TBC1D8: variants seen among roughly 807,000 people sequenced by gnomAD.
TBC1D8 encodes the protein BUB2-like protein 1.
A neutral mutation model predicts 118.8 loss-of-function variants in TBC1D8; 65 were observed. The ratio of observed to expected loss-of-function variants is 0.55; its 90% CI spans 0.45 to 0.67. TBC1D8 has a LOEUF of 0.67. TBC1D8 is among the 30% of genes least tolerant of loss of function. The pLI is 0.00. For missense variants in TBC1D8, 1,376 were observed against 1,471.2 expected, an observed-to-expected ratio of 0.94 and a Z score of 1.06; for synonymous variants, 566 against 595.8, an observed-to-expected ratio of 0.95 and a Z score of 0.73.
At position 101,059,545 on chromosome 2, in the gene TBC1D8, TTC is replaced by T; in HGVS notation, c.284-8_284-7del. ...GATTTCCTCTAATGTTGCACCTGGA[TTC>T]AAACAGAAAAAGATACAGAGATTAA... On this transcript the variant is annotated splice_polypyrimidine_tract_variant and splice_region_variant and intron_variant, in intron 2 of 19. Transcript: ENST00000409318. 6.3e-7 allele frequency: 1 copy of T among 1,599,464 alleles called. No individual in the cohort carries two copies. The highest frequency in any genetic ancestry group is 1.1e-5 in the South Asian group (1 of 89,878).
intron 2 of TBC1D8, among the ~76,000 whole-genome samples, chr2:101,061,201 A>AG (rs1351717517): frequency 6.6e-6 from 1 of 151,114 alleles, no homozygotes; most frequent in East Asian, 1.9e-4. Flanking sequence ...AAAAAAAAAA[A>AG]AAAAAAAAAG....
intron 15 of TBC1D8, among the ~76,000 whole-genome samples, chr2:101,023,023 T>C (rs1189487496): frequency 6.6e-6 from 1 of 151,856 alleles, no homozygotes. Context: ...TGTGCACCTG[T>C]GATCCCAGCT....
chr2:101,136,082 G>A (rs1678843505), intron 1 of TBC1D8, among the ~76,000 whole-genome samples: 1 of 152,022 alleles, frequency 6.6e-6, no homozygotes, highest in South Asian at 2.1e-4. Context: ...CTGGTCTCCT[G>A]GACTCAAGTG....
intron 17 of TBC1D8, among the ~76,000 whole-genome samples, chr2:101,020,764 A>G (rs572278743): frequency 6.6e-6 from 1 of 152,282 alleles, no homozygotes; most frequent in East Asian, 1.9e-4. Context: ...TGCTGCTCTG[A>G]GTAATATTTT....
intron 2 of TBC1D8, among the ~76,000 whole-genome samples, chr2:101,060,423 T>C (rs912194174): frequency 6.6e-6 from 1 of 152,220 alleles, no homozygotes; most frequent in African/African-American, 2.4e-5. Context: ...ATATCATTTA[T>C]AGCAATGACC....
At chr2:101,036,421 A>T (rs1242023387) in intron 8 of TBC1D8, among the ~76,000 whole-genome samples, 7 of 152,124 alleles carry the variant, frequency 4.6e-5, no homozygotes, top group Non-Finnish European at 1.0e-4. Context: ...ATACAAATAA[A>T]ATACGATTTC....
intron 17 of TBC1D8, chr2:101,019,334 T>A: frequency 3.7e-6 from 1 of 267,606 alleles, no homozygotes; most frequent in Non-Finnish European, 7.0e-6. Flanking sequence ...AAAACTTTCA[T>A]TTCGTAACTA....
Position 101,014,789 on chromosome 2 carries a change from G to A in TBC1D8, c.2828-3249C>T, listed in dbSNP as rs1679490810. On this transcript the variant is annotated intron_variant, in intron 17 of 19. Transcript: ENST00000409318. ...GTTTCTTAGCATAGCCGTAAGAAAA[G>A]CCTGACCAAAAAGTGAAGAATCAAG... Among the ~76,000 whole-genome samples the A allele has an allele frequency of 2.6e-5, 4 of 152,176 alleles. No homozygotes were observed. The South Asian group carries it at 8.3e-4, about 32-fold the overall frequency.
intron 1 of TBC1D8, among the ~76,000 whole-genome samples, chr2:101,140,703 T>TA (rs1558730516): frequency 2.0e-5 from 3 of 152,000 alleles, no homozygotes; most frequent in Non-Finnish European, 4.4e-5. Flanking sequence ...TTCCAACTCT[T>TA]AATGGATTAT....
At chr2:101,047,000 C>G (rs906506613) in intron 5 of TBC1D8, among the ~76,000 whole-genome samples, 1 of 152,146 alleles carries the variant, frequency 6.6e-6, no homozygotes, top group African/African-American at 2.4e-5. Context: ...TTTTTTTCAC[C>G]CCACCATTCC....
chr2:101,046,430 C>T (rs1048873544), intron 5 of TBC1D8, among the ~76,000 whole-genome samples: 21 of 152,192 alleles, frequency 1.4e-4, no homozygotes, highest in Non-Finnish European at 5.9e-5. Context: ...CTAGAGAGAA[C>T]CACCTAAGCC....
chr2:101,131,255 G>A (rs980893356), intron 1 of TBC1D8, among the ~76,000 whole-genome samples: 1 of 151,876 alleles, frequency 6.6e-6, no homozygotes, highest in Non-Finnish European at 1.5e-5. Flanking sequence ...GCTCACGCCT[G>A]TAATCCCAGC....
Position 101,090,291 on chromosome 2 carries a change from T to C in TBC1D8, c.201A>G (p.Gln67=). 1 of 1,613,992 alleles carries C rather than the reference T, an allele frequency of 6.2e-7. No homozygotes were observed. The highest frequency in any genetic ancestry group is 8.5e-7 in the Non-Finnish European group (1 of 1,179,890). Residue 67 remains glutamine (Q), a synonymous_variant, in exon 2 of 20, where the codon CAA becomes CAG. Coordinates refer to ENST00000409318, the MANE Select transcript of TBC1D8 (RefSeq NM_001330348.2). Reference sequence around the variant, plus strand: ...GAGAATAAACCTGGGAGCCGGGAACTTGAAGCAGAATTCGAAATGGAGCGA... The same window carrying C: ...GAGAATAAACCTGGGAGCCGGGAACCTGAAGCAGAATTCGAAATGGAGCGA... ...ARVAPFRILL[Q]VPGSQVYSPI... is the part of the protein sequence containing the mutation.
At position 101,054,672 on chromosome 2, in the gene TBC1D8, C is replaced by CTTTTTTTTTTTTTTTTTTTTT. The variant is rs34465252; in HGVS notation, c.403-357_403-337dup. 1.7e-3 allele frequency among the ~76,000 whole-genome samples: 43 copies of CTTTTTTTTTTTTTTTTTTTTT among 25,422 alleles called. 2 individuals carry two copies. The highest frequency in any genetic ancestry group is 9.2e-3 in the East Asian group (6 of 652). 16.7% of individuals were successfully genotyped at this position (25,422 alleles called of 152,430 possible). A position where few individuals can be genotyped will look rare whatever the true frequency, so the allele number is the denominator to read the frequency against. ...ACAAACAATCATTTTCTTTTCTTTT[C>CTTTTTTTTTTTTTTTTTTTTT]TTTTTTTTTTTTTTTTTTTTTTTTT... On this transcript the variant is annotated intron_variant, in intron 3 of 19. Transcript: ENST00000409318.
At chr2:101,125,816 C>T (rs921799509) in intron 1 of TBC1D8, among the ~76,000 whole-genome samples, 8 of 152,330 alleles carry the variant, frequency 5.3e-5, no homozygotes, top group Admixed American at 2.6e-4. Flanking sequence ...CCAATATCCA[C>T]GCATTAAATT....
intron 2 of TBC1D8, among the ~76,000 whole-genome samples, chr2:101,060,248 C>A (rs1682682775): frequency 1.3e-5 from 2 of 152,224 alleles, no homozygotes; most frequent in African/African-American, 4.8e-5. Context: ...AGCAGCCTTG[C>A]AAAGTTCTCC....
At chr2:101,030,244 G>C (rs1422161464) in intron 11 of TBC1D8, among the ~76,000 whole-genome samples, 2 of 152,178 alleles carry the variant, frequency 1.3e-5, no homozygotes, top group African/African-American at 4.8e-5. Context: ...GAAAATGCAA[G>C]CTTCAAACTT....
At chr2:101,143,973 G>A (rs1320810337) in intron 1 of TBC1D8, among the ~76,000 whole-genome samples, 1 of 152,154 alleles carries the variant, frequency 6.6e-6, no homozygotes, top group Non-Finnish European at 1.5e-5. Context: ...ATTTATTCCT[G>A]CATTCTACAT....
At chr2:101,081,336 C>A (rs998233016) in intron 2 of TBC1D8, among the ~76,000 whole-genome samples, 1 of 152,160 alleles carries the variant, frequency 6.6e-6, no homozygotes, top group African/African-American at 2.4e-5. Context: ...CCTGCTACAA[C>A]GTGGCACTTT....
Sources: allele counts gnomAD v4.1 joint callset (sites outside exome capture counted in the v4.1 genomes callset), GRCh38; gene constraint gnomAD v4.1.1; transcripts MANE v1.5; gene names NCBI Gene and HGNC (gene_info 2026-07-23, HGNC 2026-07-21).